The following CSMD1 variants were observed in gnomAD, a reference collection of about 807,000 sequenced individuals.
The protein encoded by CSMD1 is CUB and sushi domain-containing protein 1.
A neutral mutation model predicts 417.5 loss-of-function variants in CSMD1; 213 were observed. That is an observed-to-expected ratio of 0.51 (90% CI 0.46 to 0.57). CSMD1 has a LOEUF of 0.57. CSMD1 is among the 20% of genes least tolerant of loss of function. The pLI is 0.00. For synonymous variants in CSMD1, 2,862 were observed against 1,736.8 expected (o/e 1.65, Z -16.11); for missense variants, 6,923 against 4,529.7 (o/e 1.53, Z -15.17).
intron 2 of CSMD1, among the ~76,000 whole-genome samples, chr8:4,435,952 C>G (rs1169093642): frequency 3.9e-5 from 6 of 152,118 alleles, no homozygotes; most frequent in Non-Finnish European, 7.3e-5. Context: ...CATTCTTAGC[C>G]TTTACATCCA....
In CSMD1 at chr8:4,141,440, T is replaced by C. The variant is rs542966845; in HGVS notation, c.416-109341A>G. On this transcript the variant is annotated intron_variant, in intron 3 of 69. Transcript: ENST00000635120. ...AACACAGTGATACCTATCATTTAGA[T>C]AGCATTTCACGGTTTAACACTGCTT... is the stretch of plus-strand genomic sequence containing the variant. Among the ~76,000 whole-genome samples the C allele has an allele frequency of 1.3e-4, 20 of 151,306 alleles. No homozygotes were observed. In the South Asian group the frequency reaches 3.5e-3, roughly 27 times the overall value.
intron 51 of CSMD1, among the ~76,000 whole-genome samples, chr8:3,019,322 A>C (rs964013638): frequency 2.0e-5 from 3 of 152,228 alleles, no homozygotes; most frequent in African/African-American, 4.8e-5. Flanking sequence ...CAATCAAATA[A>C]ATTGTCTATC....
intron 50 of CSMD1, among the ~76,000 whole-genome samples, chr8:3,050,726 A>T (rs890917363): frequency 1.2e-4 from 18 of 152,180 alleles, no homozygotes; most frequent in African/African-American, 4.3e-4. Flanking sequence ...TGATGAAATA[A>T]AGAAAAATAA....
At chr8:4,742,912 T>G (rs889628329) in intron 1 of CSMD1, among the ~76,000 whole-genome samples, 1 of 152,188 alleles carries the variant, frequency 6.6e-6, no homozygotes, top group Admixed American at 6.5e-5. Context: ...AAAAAAAATC[T>G]GAAAATAAAT....
At chr8:3,617,606 T>A (rs1222897487) in intron 7 of CSMD1, among the ~76,000 whole-genome samples, 1 of 152,220 alleles carries the variant, frequency 6.6e-6, no homozygotes, top group African/African-American at 2.4e-5. Context: ...TATTTTACTC[T>A]GAAAATTTCT....
At chr8:4,007,821 T>A (rs1406298348) in intron 4 of CSMD1, among the ~76,000 whole-genome samples, 2 of 152,182 alleles carry the variant, frequency 1.3e-5, no homozygotes, top group Non-Finnish European at 2.9e-5. Context: ...ATGCACGGAA[T>A]CAAACCATAT....
chr8:3,686,661 A>G (rs886924788), intron 7 of CSMD1, among the ~76,000 whole-genome samples: 2 of 152,152 alleles, frequency 1.3e-5, no homozygotes, highest in Non-Finnish European at 2.9e-5. Context: ...TGCTACACTA[A>G]CACTTATCCA....
intron 52 of CSMD1, among the ~76,000 whole-genome samples, chr8:3,010,275 GT>G (rs1808282746): frequency 2.0e-5 from 3 of 152,172 alleles, no homozygotes; most frequent in Admixed American, 2.0e-4. Flanking sequence ...ACTGTGTTTT[GT>G]TTTAGATGTA....
intron 1 of CSMD1, among the ~76,000 whole-genome samples, chr8:4,867,715 G>C (rs1000617556): frequency 3.9e-5 from 6 of 152,026 alleles, no homozygotes; most frequent in Admixed American, 2.6e-4. Context: ...TGTGTAAATT[G>C]TCAAACAAAA....
chr8:4,675,246 A>C (rs892152066), intron 1 of CSMD1, among the ~76,000 whole-genome samples: 19 of 152,324 alleles, frequency 1.2e-4, no homozygotes, highest in African/African-American at 4.6e-4. Context: ...GCAGTATTTA[A>C]AACACTTAAA....
At chr8:3,037,533 T>C (rs1047378397) in intron 50 of CSMD1, among the ~76,000 whole-genome samples, 1 of 152,154 alleles carries the variant, frequency 6.6e-6, no homozygotes, top group African/African-American at 2.4e-5. Context: ...ATCTTTGCTA[T>C]TGCAAACTGT....
intron 5 of CSMD1, among the ~76,000 whole-genome samples, chr8:3,904,332 C>G (rs1807963949): frequency 6.6e-6 from 1 of 151,878 alleles, no homozygotes; most frequent in South Asian, 2.1e-4. Flanking sequence ...AAGCCCAGTC[C>G]TACAAATAGA....
intron 1 of CSMD1, among the ~76,000 whole-genome samples, chr8:4,913,309 A>G (rs1805828448): frequency 6.6e-6 from 1 of 152,230 alleles, no homozygotes; most frequent in Non-Finnish European, 1.5e-5. Flanking sequence ...ATTTGGTGTT[A>G]TAATTACTTG....
intron 5 of CSMD1, among the ~76,000 whole-genome samples, chr8:3,982,292 T>C (rs567046654): frequency 8.6e-5 from 13 of 151,578 alleles, no homozygotes; most frequent in African/African-American, 3.1e-4. Flanking sequence ...CATTCCTGAG[T>C]TGTGTGATAC....
intron 35 of CSMD1, 123 bp from the exon 36 acceptor site, chr8:3,188,088 G>A (rs201000423): frequency 2.5e-5 from 7 of 275,414 alleles, no homozygotes; most frequent in African/African-American, 7.4e-5. Context: ...ATATGTATAT[G>A]TATATATATA....
At chr8:4,008,049 A>C (rs374826592) in intron 4 of CSMD1, among the ~76,000 whole-genome samples, 5 of 152,348 alleles carry the variant, frequency 3.3e-5, no homozygotes, top group South Asian at 4.1e-4. Flanking sequence ...TGTTTTCAGC[A>C]AGCAGGAAAA....
chr8:4,301,324 T>C (rs922911358), intron 3 of CSMD1, among the ~76,000 whole-genome samples: 3 of 152,226 alleles, frequency 2.0e-5, no homozygotes, highest in Non-Finnish European at 2.9e-5. Flanking sequence ...CCATGACCTT[T>C]ATACTCAACT....
chr8:4,241,277 C>T (rs1360670465), intron 3 of CSMD1, among the ~76,000 whole-genome samples: 2 of 152,112 alleles, frequency 1.3e-5, no homozygotes, highest in African/African-American at 2.4e-5. Context: ...ATAATCTCAC[C>T]ACAATTCATT....
At chr8:4,085,188 G>C (rs1473428892) in intron 3 of CSMD1, among the ~76,000 whole-genome samples, 2 of 152,192 alleles carry the variant, frequency 1.3e-5, no homozygotes, top group African/African-American at 2.4e-5. Context: ...TGGCAGCACA[G>C]TGCCTGCAAC....
Sources: allele counts gnomAD v4.1 joint callset (sites outside exome capture counted in the v4.1 genomes callset), GRCh38; gene constraint gnomAD v4.1.1; transcripts MANE v1.5; gene names NCBI Gene and HGNC (gene_info 2026-07-23, HGNC 2026-07-21).